Variants in KCNN3 observed in about 807,000 individuals in gnomAD.
KCNN3 encodes the protein small conductance calcium-activated potassium channel protein 3.
Under a neutral mutation model 62.9 loss-of-function variants are expected in KCNN3, and 16 were observed. That is an observed-to-expected ratio of 0.25 (90% confidence interval 0.17 to 0.39). The LOEUF (loss-of-function observed/expected upper bound fraction) is 0.39, where lower values mean the gene tolerates loss of function less well. Ranked by LOEUF, KCNN3 falls within the 10% of genes least tolerant of loss-of-function variation. KCNN3 has a pLI of 1.00. For missense variants in KCNN3, 599 were observed against 949.4 expected, an observed-to-expected ratio of 0.63 and a Z score of 4.85; for synonymous variants, 370 against 389.2, an observed-to-expected ratio of 0.95 and a Z score of 0.58.
chr1:154,834,964 T>C (rs1651529425), intron 1 of KCNN3, among the ~76,000 whole-genome samples: 1 of 152,166 alleles, frequency 6.6e-6, no homozygotes, highest in African/African-American at 2.4e-5. Flanking sequence ...TGAGCTGCAC[T>C]TGTTTCCACA....
At position 154,725,934 on chromosome 1, in the gene KCNN3, G is replaced by C. The variant is rs1363553372; in HGVS notation, c.1683C>G (p.Asp561Glu). 6.2e-7 allele frequency: 1 copy of C among 1,613,880 alleles called. No homozygotes were observed. The highest frequency in any genetic ancestry group is 1.7e-5 in the Admixed American group (1 of 60,012). The change falls in exon 5 of 8, where the codon GAC (aspartate) becomes GAG (glutamate). Residue 561 changes from aspartate to glutamate, a missense_variant. By Grantham distance (45) the Asp-to-Glu change is conservative (BLOSUM62 2). Coordinates refer to ENST00000271915, the MANE Select transcript of KCNN3 (RefSeq NM_002249.6). ...ATCTTACCCGCTTGGTGAGCTGAGT[G>C]TCCATCATGAAGTTATGAACGTGCT... ...AEKHVHNFMM[D>E]TQLTKRIKNA... is the part of the protein sequence containing the mutation.
At position 154,869,353 on chromosome 1, in the gene KCNN3, C is replaced by T. The variant is rs1254645580; in HGVS notation, c.612G>A (p.Glu204=). The T allele has an allele frequency of 6.2e-7, 1 of 1,613,902 alleles. No homozygotes were observed. The highest frequency in any genetic ancestry group is 1.3e-5 in the African/African-American group (1 of 74,914). The change falls in exon 1 of 8, where the codon GAG becomes GAA. Residue 204 remains glutamate, a synonymous_variant. Transcript: ENST00000271915. The surrounding 1 kb of genome is among the most constrained non-coding windows in gnomAD (Gnocchi z 6.1). The stretch of plus-strand genomic sequence containing the variant: ...GGCTGAAAAGCTGGAGGGGTTGGCC[C>T]TCAGTCTCGGCCTCGATGAGGTTCC... ...SRRNLIEAET[E]GQPLQLFSPS... is the part of the protein sequence containing the mutation.
intron 1 of KCNN3, among the ~76,000 whole-genome samples, chr1:154,827,747 C>A (rs895497803): frequency 6.6e-6 from 1 of 151,568 alleles, no homozygotes; most frequent in South Asian, 2.1e-4. Flanking sequence ...TGCAGTGAAC[C>A]GAGATCACAC....
chr1:154,744,602 T>A (rs537944674), intron 3 of KCNN3, among the ~76,000 whole-genome samples: 2 of 152,366 alleles, frequency 1.3e-5, no homozygotes, highest in South Asian at 4.1e-4. Flanking sequence ...GAAGCTATTA[T>A]GAAAGGAAAG....
rs137876038 is a variant in KCNN3, at chr1:154,830,231, G to A, written c.934-8047C>T. Among the ~76,000 whole-genome samples, 14 of 152,236 alleles carry A rather than the reference G, an allele frequency of 9.2e-5. No individual in the cohort carries two copies. The East Asian group carries it at 1.7e-3, about 19-fold the overall frequency. On this transcript the variant is annotated intron_variant, in intron 1 of 7. Transcript: ENST00000271915. ...AGAGGCCAGGTACTGTGCTAATTTC[G>A]TTAGGTCCTCAGAACAACCCATGGC...
At chr1:154,812,479 A>G (rs1428597920) in intron 2 of KCNN3, among the ~76,000 whole-genome samples, 1 of 151,844 alleles carries the variant, frequency 6.6e-6, no homozygotes, top group Non-Finnish European at 1.5e-5. Context: ...TCATTGTTCA[A>G]TCCCACCTGT....
At chr1:154,784,713 TGGTAACAGCAGGGGCCATGTATTGC>T (rs1431108127) in intron 2 of KCNN3, among the ~76,000 whole-genome samples, 2 of 152,214 alleles carry the variant, frequency 1.3e-5, no homozygotes, top group African/African-American at 4.8e-5. Context: ...CCATTAACAA[TGGTAACAGCAGGGGCCATGTATTGC>T]AGCCTCACTG....
At chr1:154,802,170 G>A (rs541136845) in intron 2 of KCNN3, among the ~76,000 whole-genome samples, 31 of 152,318 alleles carry the variant, frequency 2.0e-4, no homozygotes, top group African/African-American at 7.5e-4. Flanking sequence ...GATATTAGAT[G>A]AAGAAACTGA....
chr1:154,768,782 G>A (rs1290758107), intron 3 of KCNN3, among the ~76,000 whole-genome samples: 1 of 152,088 alleles, frequency 6.6e-6, no homozygotes, highest in Admixed American at 6.6e-5. Context: ...GGATGTGTTT[G>A]AATTGGACAT....
intron 1 of KCNN3, among the ~76,000 whole-genome samples, chr1:154,832,878 G>C (rs1651429615): frequency 1.3e-5 from 2 of 152,188 alleles, no homozygotes; most frequent in South Asian, 4.1e-4. Context: ...CAGATTCCCA[G>C]ATTCTCTGCA....
Position 154,869,973 on chromosome 1 carries a change from C to T in KCNN3, c.-9G>A, listed in dbSNP as rs754891269. 30 of 1,610,020 alleles carry T rather than the reference C, an allele frequency of 1.9e-5. No individual in the cohort carries two copies. The highest frequency in any genetic ancestry group is 2.7e-5 in the African/African-American group (2 of 74,800). On this transcript the variant is annotated 5_prime_UTR_variant, in exon 1 of 8. Transcript: ENST00000271915. The surrounding 1 kb of genome is among the most constrained non-coding windows in gnomAD (Gnocchi z 6.1). The stretch of plus-strand genomic sequence containing the variant: ...TGCCCAGAAGTGTCCATCTTGGGGC[C>T]TGGCTGTATTCCCTGCAGCACAAGC...
At chr1:154,868,019 A>G (rs1571352661) in intron 1 of KCNN3, 2 of 985,342 alleles carry the variant, frequency 2.0e-6, no homozygotes, top group Non-Finnish European at 2.4e-6. Context: ...GAGAGGCTGG[A>G]GCAGTGGGGC....
intron 3 of KCNN3, among the ~76,000 whole-genome samples, chr1:154,763,873 T>G (rs1326027979): frequency 6.6e-6 from 1 of 152,244 alleles, no homozygotes; most frequent in Non-Finnish European, 1.5e-5. Context: ...AATTTAAACA[T>G]TTAAAAATTC....
chr1:154,755,875 G>GA (rs1449749022), intron 3 of KCNN3, among the ~76,000 whole-genome samples: 1 of 134,648 alleles, frequency 7.4e-6, no homozygotes, highest in Non-Finnish European at 1.6e-5. Context: ...GGAAGAGGAA[G>GA]ATGAGGAGGA....
chr1:154,812,641 G>A (rs1005417650), intron 2 of KCNN3, among the ~76,000 whole-genome samples: 3 of 152,240 alleles, frequency 2.0e-5, no homozygotes, highest in African/African-American at 7.2e-5. Flanking sequence ...GGAATGGATT[G>A]TTAAGGCAGG....
chr1:154,869,489 C>A lies in KCNN3; in HGVS notation c.476G>T (p.Ser159Ile). ...PGGGSRHRQA[S>I]PLVHRRDSNP... ...GCTGTCCCGCCGGTGCACCAGGGGG[C>A]TGGCCTGTCGGTGCCGGCTGCCTCC... The change falls in exon 1 of 8, where the codon AGC (serine) becomes ATC (isoleucine). Residue 159 changes from serine to isoleucine, a missense_variant. Around this residue, in one of 7 missense-constraint regions of KCNN3, gnomAD observed 112 missense variants for 142.9 expected, o/e 0.78. Coordinates refer to ENST00000271915, the MANE Select transcript of KCNN3 (RefSeq NM_002249.6). The surrounding 1 kb of genome is among the most constrained non-coding windows in gnomAD (Gnocchi z 6.1). 1.2e-6 allele frequency: 2 copies of A among 1,614,062 alleles called. No individual in the cohort carries two copies. The highest frequency in any genetic ancestry group is 1.7e-6 in the Non-Finnish European group (2 of 1,180,002).
intron 2 of KCNN3, among the ~76,000 whole-genome samples, chr1:154,774,960 C>T (rs1273225670): frequency 6.6e-6 from 1 of 152,224 alleles, no homozygotes; most frequent in Non-Finnish European, 1.5e-5. Flanking sequence ...TTTTATTTAA[C>T]CTGGAAATAC....
intron 3 of KCNN3, among the ~76,000 whole-genome samples, chr1:154,735,835 G>A (rs1700702271): frequency 6.6e-6 from 1 of 152,192 alleles, no homozygotes; most frequent in Admixed American, 6.5e-5. Flanking sequence ...CTGAGGCAGT[G>A]GTGGAAAATC....
chr1:154,847,123 G>A (rs539031789), intron 1 of KCNN3, among the ~76,000 whole-genome samples: 168 of 151,624 alleles, frequency 1.1e-3, no homozygotes, highest in African/African-American at 3.9e-3. Flanking sequence ...TCACTTGTCC[G>A]CCAAGCATCT....
Sources: allele counts gnomAD v4.1 joint callset (sites outside exome capture counted in the v4.1 genomes callset), GRCh38; gene constraint gnomAD v4.1.1; regional missense constraint gnomAD v4.1.1; non-coding constraint Gnocchi (gnomAD v3.1); transcripts MANE v1.5; gene names NCBI Gene and HGNC (gene_info 2026-07-23, HGNC 2026-07-21).